Variants in TLN1 observed in about 807,000 individuals in gnomAD.
The protein encoded by TLN1 is talin-1.
Under a neutral mutation model 292.3 loss-of-function variants are expected in TLN1, and 56 were observed. The observed-to-expected ratio is 0.19, with a 90% CI of 0.15 to 0.24. The LOEUF (loss-of-function observed/expected upper bound fraction) is 0.24, where lower values mean the gene tolerates loss of function less well. TLN1 is among the 10% of genes least tolerant of loss of function. TLN1 has a pLI of 1.00. For missense variants in TLN1, 2,433 were observed against 3,248.2 expected (o/e 0.75, Z 6.10); for synonymous variants, 1,119 against 1,253.7 (o/e 0.89, Z 2.27).
chr9:35,704,967 G>T lies in TLN1; in HGVS notation c.5734-152C>A. 2.1e-6 allele frequency: 2 copies of T among 940,776 alleles called. No homozygotes were observed. The highest frequency in any genetic ancestry group is 3.5e-5 in the South Asian group (2 of 57,858). 58.3% of individuals were successfully genotyped at this position (940,776 alleles called of 1,614,324 possible). ...GGTTCCCAGCACAAGGACGTTTCCG[G>T]TTGCATATCCTTTAGGCAGAAGGTC... On this transcript the variant is annotated intron_variant, in intron 43 of 56. Coordinates refer to ENST00000314888, the MANE Select transcript of TLN1 (RefSeq NM_006289.4). This position sits in a 1 kb window ranked among gnomAD's most constrained non-coding sequence, Gnocchi z 6.9.
At position 35,714,905 on chromosome 9, in the gene TLN1, C is replaced by A. The variant is rs1286319713; in HGVS notation, c.2755-29G>T. 1 of 1,593,216 alleles carries A rather than the reference C, an allele frequency of 6.3e-7. No homozygotes were observed. The highest frequency in any genetic ancestry group is 1.3e-5 in the African/African-American group (1 of 74,660). ...TGAAGACAAGAGTAGTCAGACCAAG[C>A]CCATGGATTCCCATGCCCAGCCCAG... is the stretch of plus-strand genomic sequence containing the variant. On this transcript the variant is annotated intron_variant, in intron 21 of 56. Transcript: ENST00000314888. This position sits in a 1 kb window ranked among gnomAD's most constrained non-coding sequence, Gnocchi z 4.6.
rs1297371769 is a variant in TLN1, at chr9:35,700,226, G to A, written c.6625C>T (p.Arg2209Cys). The A allele has an allele frequency of 1.2e-6, 2 of 1,610,980 alleles. No individual in the cohort carries two copies. Among genetic ancestry groups the A allele is most frequent in the South Asian group, 1.1e-5 (1 of 91,030 alleles). Residue 2209 changes from arginine to cysteine, a missense_variant, in exon 49 of 57, where the codon CGC becomes TGC. Arg to Cys is a radical substitution (Grantham distance 180). Transcript: ENST00000314888. The part of the protein sequence containing the change: ...EDVIATANLS[R>C]RAIADMLRAC... ...CGAAGCATATCTGCAATAGCACGGC[G>A]GCTCAGATTGGCTGTGGCAATGACA...
At chr9:35,721,923 A>G in intron 9 of TLN1, 120 bp from the exon 10 acceptor site, 1 of 1,369,010 alleles carries the variant, frequency 7.3e-7, no homozygotes, top group Non-Finnish European at 1.0e-6. Flanking sequence ...CGGACAAGGG[A>G]AAATGCAGGG....
At chr9:35,723,127 G>C in intron 7 of TLN1, 1 of 435,040 alleles carries the variant, frequency 2.3e-6, no homozygotes, top group South Asian at 2.4e-5. Flanking sequence ...TTGAGATGGA[G>C]TTTCACTCTT....
At chr9:35,723,298 TC>T (rs1212419228) in intron 7 of TLN1, 1 of 220,134 alleles carries the variant, frequency 4.5e-6, no homozygotes, top group East Asian at 1.4e-4. Context: ...ATACATGGTT[TC>T]TCCACGTTGG....
In TLN1 at chr9:35,714,103, G is replaced by T; in HGVS notation, c.3121-22C>A. 3 of 1,613,086 alleles carry T rather than the reference G, an allele frequency of 1.9e-6. No homozygotes were observed. The highest frequency in any genetic ancestry group is 2.5e-6 in the Non-Finnish European group (3 of 1,179,110). On this transcript the variant is annotated intron_variant, in intron 24 of 56. Coordinates refer to ENST00000314888, the MANE Select transcript of TLN1 (RefSeq NM_006289.4). This position sits in a 1 kb window ranked among gnomAD's most constrained non-coding sequence, Gnocchi z 4.6. ...GAGCCTATGATAAGAAAGGGGTTTTGGGTGTAGAAGGTCCTGCTGTGTCTC... is the reference window on the plus strand; with the variant it reads ...GAGCCTATGATAAGAAAGGGGTTTTTGGTGTAGAAGGTCCTGCTGTGTCTC...
chr9:35,710,319 C>T (rs1448443398), intron 33 of TLN1, among the ~76,000 whole-genome samples: 1 of 152,008 alleles, frequency 6.6e-6, no homozygotes. Context: ...TGGAAAAGGC[C>T]TCACGGTTGG....
Position 35,705,856 on chromosome 9 carries a change from G to C in TLN1, c.5512-5C>G, listed in dbSNP as rs201603005. On this transcript the variant is annotated splice_region_variant and splice_polypyrimidine_tract_variant and intron_variant, in intron 41 of 56. Transcript: ENST00000314888. ...ACCCATTGGTCCTTCATCTAGCTGA[G>C]GGGGGAGGATAGGGAAAGGGAAAGA... The C allele has an allele frequency of 2.5e-6, 4 of 1,614,064 alleles. No individual in the cohort carries two copies. The highest frequency in any genetic ancestry group is 2.2e-5 in the East Asian group (1 of 44,886).
chr9:35,715,287 T>C, intron 20 of TLN1, 100 bp from the exon 21 acceptor site: 2 of 1,466,290 alleles, frequency 1.4e-6, no homozygotes, highest in Non-Finnish European at 9.0e-7. Context: ...ATTCATGTAT[T>C]TTCCTGAAGT....
rs371976092 is a variant in TLN1, at chr9:35,725,282, T to A, written c.170A>T (p.Lys57Ile). The change falls in exon 3 of 57, where the codon AAA becomes ATA. Residue 57 changes from lysine (K) to isoleucine (I), a missense_variant. By Grantham distance (102) the Lys-to-Ile change is moderately radical (BLOSUM62 -3). Around this residue, in one of 7 missense-constraint regions of TLN1, gnomAD observed 155 missense variants for 287.9 expected, o/e 0.54. Coordinates refer to ENST00000314888, the MANE Select transcript of TLN1 (RefSeq NM_006289.4). The stretch of plus-strand genomic sequence containing the variant: ...CCCAGCCTCCAGCCATATACCCTTT[T>A]TGGGGTCATCATCTGACAGAAAGAG... ...FGLFLSDDDP[K>I]KGIWLEAGKA... 4.3e-6 allele frequency: 7 copies of A among 1,614,198 alleles called. No individual in the cohort carries two copies. The highest frequency in any genetic ancestry group is 5.9e-6 in the Non-Finnish European group (7 of 1,180,034).
At chr9:35,720,628 T>C in intron 11 of TLN1, 119 bp from the exon 12 acceptor site, 1 of 1,132,312 alleles carries the variant, frequency 8.8e-7, no homozygotes, top group African/African-American at 1.6e-5. Context: ...CATTTCTTTT[T>C]CTTTTTTTTT....
Position 35,707,005 on chromosome 9 carries a change from A to G in TLN1, c.4955+67T>C. ...ACACCATCCCATCTCATTGCACTCA[A>G]GTGCCCATCCTCCATTCTGCCACAA... On this transcript the variant is annotated intron_variant, in intron 37 of 56. Coordinates refer to ENST00000314888, the MANE Select transcript of TLN1 (RefSeq NM_006289.4). The surrounding 1 kb of genome is among the most constrained non-coding windows in gnomAD (Gnocchi z 5.6). 2 of 1,608,532 alleles carry G rather than the reference A, an allele frequency of 1.2e-6. No individual in the cohort carries two copies. The highest frequency in any genetic ancestry group is 1.7e-6 in the Non-Finnish European group (2 of 1,178,338).
chr9:35,702,642 G>A (rs1174051502), intron 48 of TLN1, among the ~76,000 whole-genome samples: 1 of 151,944 alleles, frequency 6.6e-6, no homozygotes, highest in East Asian at 1.9e-4. Context: ...ACAGGCGCGT[G>A]CCACCACGCC....
rs1825750923 is a variant in TLN1, at chr9:35,714,903, A to G, written c.2755-27T>C. On this transcript the variant is annotated intron_variant, in intron 21 of 56. Coordinates refer to ENST00000314888, the MANE Select transcript of TLN1 (RefSeq NM_006289.4). The surrounding 1 kb of genome is among the most constrained non-coding windows in gnomAD (Gnocchi z 4.6). ...TGTGAAGACAAGAGTAGTCAGACCAAGCCCATGGATTCCCATGCCCAGCCC... is the reference window on the plus strand; with the variant it reads ...TGTGAAGACAAGAGTAGTCAGACCAGGCCCATGGATTCCCATGCCCAGCCC... 1.3e-6 allele frequency: 2 copies of G among 1,594,474 alleles called. No individual in the cohort carries two copies. The highest frequency in any genetic ancestry group is 3.4e-5 in the Admixed American group (2 of 59,120).
chr9:35,704,198 A>G lies in TLN1; in HGVS notation c.6048-24T>C, dbSNP rs1825520604. On this transcript the variant is annotated intron_variant, in intron 45 of 56. Coordinates refer to ENST00000314888, the MANE Select transcript of TLN1 (RefSeq NM_006289.4). This position sits in a 1 kb window ranked among gnomAD's most constrained non-coding sequence, Gnocchi z 6.9. ...CCCTGAGGGAGGGCCCAGCTTAGTCAGATCTCCCCTACCCGCTCCAGCCCG... is the reference window on the plus strand; with the variant it reads ...CCCTGAGGGAGGGCCCAGCTTAGTCGGATCTCCCCTACCCGCTCCAGCCCG... 3.2e-6 allele frequency: 5 copies of G among 1,575,324 alleles called. No individual in the cohort carries two copies. The highest frequency in any genetic ancestry group is 4.3e-6 in the Non-Finnish European group (5 of 1,159,410).
At chr9:35,730,660 G>A (rs188888167) in intron 1 of TLN1, among the ~76,000 whole-genome samples, 1 of 152,148 alleles carries the variant, frequency 6.6e-6, no homozygotes, top group East Asian at 1.9e-4. Flanking sequence ...GAGGGAGGTA[G>A]AACTAAGGAT....
In TLN1 at chr9:35,699,478, C is replaced by A; in HGVS notation, c.6769-17G>T. 3 of 1,605,826 alleles carry A rather than the reference C, an allele frequency of 1.9e-6. No homozygotes were observed. The highest frequency in any genetic ancestry group is 2.6e-6 in the Non-Finnish European group (3 of 1,175,674). Reference sequence around the variant, plus strand: ...CTGCAGGGTCTGGGCAAGAAGCGGGCAGGGGACAAAGAGCATCACATCTTA... The same window carrying A: ...CTGCAGGGTCTGGGCAAGAAGCGGGAAGGGGACAAAGAGCATCACATCTTA... On this transcript the variant is annotated splice_polypyrimidine_tract_variant and intron_variant, in intron 50 of 56. Transcript: ENST00000314888. The surrounding 1 kb of genome is among the most constrained non-coding windows in gnomAD (Gnocchi z 4.0).
At chr9:35,708,685 A>G (rs1265150693) in intron 33 of TLN1, among the ~76,000 whole-genome samples, 1 of 152,266 alleles carries the variant, frequency 6.6e-6, no homozygotes, top group Non-Finnish European at 1.5e-5. Flanking sequence ...TTCATTAAGT[A>G]TATTCAAGCA....
At chr9:35,710,511 G>T (rs370649594) in intron 33 of TLN1, 50 bp downstream of exon 33, 17 of 1,584,340 alleles carry the variant, frequency 1.1e-5, no homozygotes, top group Non-Finnish European at 1.1e-5. Flanking sequence ...GAGAGAAAAT[G>T]GGGTAAAGAA....
Sources: gnomAD v4.1 joint callset for allele counts (sites outside exome capture counted in the v4.1 genomes callset) on GRCh38, gnomAD v4.1.1 for gene constraint, gnomAD v4.1.1 regional missense constraint, Gnocchi (gnomAD v3.1) non-coding constraint, MANE v1.5 for transcripts, NCBI Gene and HGNC (gene_info 2026-07-23, HGNC 2026-07-21) for gene names.